Variants in PDE8B observed in about 807,000 individuals in gnomAD.
PDE8B encodes high affinity cAMP-specific and IBMX-insensitive 3',5'-cyclic phosphodiesterase 8B.
In PDE8B, 26 loss-of-function variants were observed where a neutral mutation model predicts 101.3. The observed-to-expected ratio is 0.26, with a 90% CI of 0.19 to 0.36. The LOEUF is 0.36. Among genes scored for constraint, PDE8B ranks in the 10% least tolerant of loss-of-function variants. The pLI is 1.00. For missense variants in PDE8B, 810 were observed against 1,163.1 expected, an observed-to-expected ratio of 0.70 and a Z score of 4.42; for synonymous variants, 424 against 429.3, an observed-to-expected ratio of 0.99 and a Z score of 0.15.
the PDE8B span, among the ~76,000 whole-genome samples, chr5:77,177,697 ACC>A: frequency 5.9e-5 from 9 of 152,358 alleles, no homozygotes; most frequent in African/African-American, 2.2e-4. Context: ...GCACTGGAAT[ACC>A]ACAACAGTAA....
chr5:77,246,489 G>T (rs1188486667), intron 1 of PDE8B, among the ~76,000 whole-genome samples: 1 of 152,152 alleles, frequency 6.6e-6, no homozygotes, highest in African/African-American at 2.4e-5. Context: ...ACTTAAGAAA[G>T]GGATTTACAT....
chr5:77,260,814 G>A (rs771600397), intron 1 of PDE8B, among the ~76,000 whole-genome samples: 6 of 151,954 alleles, frequency 3.9e-5, no homozygotes, highest in Non-Finnish European at 7.4e-5. Context: ...GGCTGGTCTT[G>A]AACTCCTAGC....
chr5:77,290,457 G>A (rs1767043608), intron 1 of PDE8B: 2 of 1,458,512 alleles, frequency 1.4e-6, no homozygotes, highest in South Asian at 1.1e-5. Flanking sequence ...TGAAGAAACT[G>A]TAAAGAAAGC....
At chr5:77,143,045 G>T in the PDE8B span, among the ~76,000 whole-genome samples, 132 of 152,174 alleles carry the variant, frequency 8.7e-4, no homozygotes, top group African/African-American at 3.1e-3. Flanking sequence ...AGGAGACTTC[G>T]GGGAACCCTA....
chr5:77,139,658 A>G, the PDE8B span: 1 of 151,908 alleles, frequency 6.6e-6, no homozygotes, highest in Admixed American at 6.6e-5. Context: ...TTCCATTTTT[A>G]CTTCCGTGTT....
At chr5:77,351,305 C>G in intron 9 of PDE8B, 152 bp downstream of exon 9, 2 of 702,578 alleles carry the variant, frequency 2.8e-6, no homozygotes, top group Non-Finnish European at 5.2e-6. Context: ...TCCACTCAGC[C>G]GGCAGCAACC....
At chr5:77,371,402 C>T (rs781329630) in intron 10 of PDE8B, among the ~76,000 whole-genome samples, 9 of 152,230 alleles carry the variant, frequency 5.9e-5, no homozygotes, top group Middle Eastern at 6.8e-3. Flanking sequence ...ACATCTTTGT[C>T]AAAAGTCAAA....
intron 1 of PDE8B, among the ~76,000 whole-genome samples, chr5:77,304,138 A>G (rs1770631777): frequency 6.6e-6 from 1 of 152,202 alleles, no homozygotes; most frequent in South Asian, 2.1e-4. Flanking sequence ...ACCAGTTTAC[A>G]TGCCCACCAA....
chr5:77,225,242 G>T (rs1447076625), intron 1 of PDE8B, among the ~76,000 whole-genome samples: 1 of 152,196 alleles, frequency 6.6e-6, no homozygotes, highest in African/African-American at 2.4e-5. Context: ...TCTTCCATTT[G>T]CCAGTTTTCA....
At chr5:77,193,211 A>G in the PDE8B span, among the ~76,000 whole-genome samples, 50 of 152,188 alleles carry the variant, frequency 3.3e-4, no homozygotes, top group Non-Finnish European at 5.9e-4. Context: ...TTTCTAGTTC[A>G]TGCCTTTTAC....
chr5:77,376,355 T>G (rs1367689888), intron 10 of PDE8B, among the ~76,000 whole-genome samples: 2 of 152,216 alleles, frequency 1.3e-5, no homozygotes, highest in African/African-American at 4.8e-5. Flanking sequence ...ACTTCTGAAC[T>G]AGTTCGCTGA....
chr5:77,322,480 C>A (rs980239283), intron 2 of PDE8B, among the ~76,000 whole-genome samples: 2 of 152,168 alleles, frequency 1.3e-5, no homozygotes, highest in African/African-American at 4.8e-5. Context: ...CATGGTCTAG[C>A]CCTCTGCCGT....
chr5:77,326,090 C>G lies in PDE8B; in HGVS notation c.590+361C>G, dbSNP rs77591095. Among the ~76,000 whole-genome samples, 864 of 152,332 alleles carry G rather than the reference C, an allele frequency of 5.7e-3. 11 individuals carry two copies. Among genetic ancestry groups the G allele is most frequent in the African/African-American group, 0.018 (745 of 41,574 alleles). Reference sequence around the variant, plus strand: ...TAGCTATTTTAATCTTCATTATTCTCTCCCAAAATGAACATCGGAAATGTG... The same window carrying G: ...TAGCTATTTTAATCTTCATTATTCTGTCCCAAAATGAACATCGGAAATGTG... On this transcript the variant is annotated intron_variant, in intron 3 of 21. Transcript: ENST00000264917.
chr5:77,277,135 G>A (rs1764006932), intron 1 of PDE8B, among the ~76,000 whole-genome samples: 1 of 152,062 alleles, frequency 6.6e-6, no homozygotes, highest in South Asian at 2.1e-4. Context: ...GGGGTGCTGT[G>A]GTAGAACGCA....
chr5:77,203,567 TG>T, the PDE8B span, among the ~76,000 whole-genome samples: 1 of 152,212 alleles, frequency 6.6e-6, no homozygotes, highest in African/African-American at 2.4e-5. Flanking sequence ...TAAAGTTTTC[TG>T]GGAATCTTAG....
the PDE8B span, among the ~76,000 whole-genome samples, chr5:77,176,767 A>G: frequency 2.0e-5 from 3 of 152,218 alleles, no homozygotes; most frequent in South Asian, 2.1e-4. Flanking sequence ...TGTTAGTAGC[A>G]TGAACCACTA....
At position 77,211,052 on chromosome 5, in the gene PDE8B, C is replaced by A; in HGVS notation, c.127C>A (p.Leu43Ile). Residue 43 changes from leucine to isoleucine, a missense_variant, in exon 1 of 22, where the codon CTC (leucine) becomes ATC (isoleucine). Leu to Ile is a conservative substitution (Grantham distance 5, BLOSUM62 2). This residue lies in a region of PDE8B where 159 missense variants were observed against 146.6 expected (regional missense o/e 1.08). Transcript: ENST00000264917. This position sits in a 1 kb window ranked among gnomAD's most constrained non-coding sequence, Gnocchi z 4.1. The stretch of plus-strand genomic sequence containing the variant: ...GGGCCCGGCGGCACCCCTGCCCGGC[C>A]TCTTCGTCCAGACCGACGCCGCCGA... ...SQGPAAPLPG[L>I]FVQTDAADAI... is the part of the protein sequence containing the mutation. 1 of 1,531,490 alleles carries A rather than the reference C, an allele frequency of 6.5e-7. No individual in the cohort carries two copies. The allele number at this position is 1,531,490 out of a possible 1,614,324, so 94.9% of individuals were successfully genotyped here.
chr5:77,396,718 C>T (rs1205683638), intron 10 of PDE8B, among the ~76,000 whole-genome samples: 1 of 152,042 alleles, frequency 6.6e-6, no homozygotes, highest in Non-Finnish European at 1.5e-5. Context: ...GGTTACTCTT[C>T]CTTTAGGCAA....
At chr5:77,405,919 A>C (rs1271688303) in intron 12 of PDE8B, among the ~76,000 whole-genome samples, 2 of 152,162 alleles carry the variant, frequency 1.3e-5, no homozygotes, top group Non-Finnish European at 2.9e-5. Flanking sequence ...CTGGTAACTT[A>C]AGAGAGTCAA....
Sources: gnomAD v4.1 joint callset for allele counts (sites outside exome capture counted in the v4.1 genomes callset) on GRCh38, gnomAD v4.1.1 for gene constraint, gnomAD v4.1.1 regional missense constraint, Gnocchi (gnomAD v3.1) non-coding constraint, MANE v1.5 for transcripts, NCBI Gene and HGNC (gene_info 2026-07-23, HGNC 2026-07-21) for gene names.